The following TFDP2 variants were observed in gnomAD, a reference collection of about 807,000 sequenced individuals.
The protein encoded by TFDP2 is transcription factor Dp-2 (E2F dimerization partner 2).
Under a neutral mutation model 59.3 loss-of-function variants are expected in TFDP2, and 17 were observed. The ratio of observed to expected loss-of-function variants is 0.29; its 90% confidence interval spans 0.20 to 0.43. The LOEUF is 0.43. Among genes scored for constraint, TFDP2 ranks in the 20% least tolerant of loss-of-function variants. The pLI is 1.00. For synonymous variants in TFDP2, 180 were observed against 194.7 expected, an observed-to-expected ratio of 0.92 and a Z score of 0.63; for missense variants, 391 against 528.8, an observed-to-expected ratio of 0.74 and a Z score of 2.56.
intron 7 of TFDP2, among the ~76,000 whole-genome samples, chr3:141,974,907 CTTTTTTTTTTTTTT>C (rs753702830): frequency 2.2e-5 from 2 of 90,500 alleles, no homozygotes; most frequent in Admixed American, 1.3e-4. Context: ...TCTTCTTCTT[CTTTTTTTTTTTTTT>C]TTTTTTTTTT....
At chr3:142,021,315 A>G (rs1945583255) in intron 3 of TFDP2, among the ~76,000 whole-genome samples, 1 of 152,348 alleles carries the variant, frequency 6.6e-6, no homozygotes, top group South Asian at 2.1e-4. Context: ...AGATAAGGAC[A>G]GAAAATCTGA....
intron 6 of TFDP2, among the ~76,000 whole-genome samples, chr3:141,989,807 C>T (rs893882158): frequency 6.6e-6 from 1 of 152,038 alleles, no homozygotes; most frequent in Non-Finnish European, 1.5e-5. Flanking sequence ...TATAATAACA[C>T]TAGCTTTCAT....
intron 3 of TFDP2, among the ~76,000 whole-genome samples, chr3:142,041,686 C>T (rs1946977778): frequency 1.3e-5 from 2 of 152,138 alleles, no homozygotes; most frequent in Admixed American, 1.3e-4. Flanking sequence ...TAACAAACAC[C>T]AACATCAGTT....
chr3:141,984,346 A>C (rs1941828634), intron 6 of TFDP2, among the ~76,000 whole-genome samples: 2 of 152,084 alleles, frequency 1.3e-5, no homozygotes, highest in African/African-American at 4.8e-5. Context: ...AAAAATACAA[A>C]AATTAGCTGG....
intron 3 of TFDP2, among the ~76,000 whole-genome samples, chr3:142,063,238 T>C (rs548786615): frequency 1.0e-3 from 153 of 152,338 alleles, no homozygotes; most frequent in African/African-American, 3.6e-3. Flanking sequence ...TAATTTGTTA[T>C]ATTTCCTCAT....
At chr3:141,988,966 A>C (rs945032788) in intron 6 of TFDP2, 3 of 151,892 alleles carry the variant, frequency 2.0e-5, no homozygotes, top group African/African-American at 7.3e-5. Context: ...CATGTTTTAA[A>C]CTTCATAGAA....
rs1947133142 is a variant in TFDP2 at position 142,043,512 on chromosome 3, T to C, written c.83-37968A>G. The C allele has an allele frequency of 7.8e-6, 4 of 511,160 alleles. No homozygotes were observed. In the East Asian group the frequency reaches 1.5e-4, roughly 19 times the overall value. 31.7% of individuals were successfully genotyped at this position (511,160 alleles called of 1,614,324 possible). ...CCAAGTAGCTGGGATTACAGGCGCATGCCACCACACTCGGCTAATTTATTT... is the reference window on the plus strand; with the variant it reads ...CCAAGTAGCTGGGATTACAGGCGCACGCCACCACACTCGGCTAATTTATTT... On this transcript the variant is annotated intron_variant, in intron 3 of 12. Transcript: ENST00000489671.
intron 7 of TFDP2, among the ~76,000 whole-genome samples, chr3:141,975,891 A>G (rs1940565002): frequency 6.6e-6 from 1 of 151,606 alleles, no homozygotes. Flanking sequence ...AAAAACAACT[A>G]TTTTTCCGAG....
intron 3 of TFDP2, among the ~76,000 whole-genome samples, chr3:142,040,199 A>G: frequency 6.6e-6 from 1 of 152,192 alleles, no homozygotes. Flanking sequence ...TATGACCTAG[A>G]TGTTGGAAAT....
intron 1 of TFDP2, among the ~76,000 whole-genome samples, chr3:142,120,818 C>A (rs1329755344): frequency 6.6e-6 from 1 of 152,104 alleles, no homozygotes; most frequent in African/African-American, 2.4e-5. Context: ...TGGGAACAAC[C>A]ACTGTTCATA....
At chr3:142,038,940 T>C (rs962091745) in intron 3 of TFDP2, among the ~76,000 whole-genome samples, 3 of 152,200 alleles carry the variant, frequency 2.0e-5, no homozygotes, top group Non-Finnish European at 4.4e-5. Context: ...CAGATCTTCC[T>C]TTACTTTATT....
intron 1 of TFDP2, among the ~76,000 whole-genome samples, chr3:142,117,870 G>A (rs1250305365): frequency 2.0e-5 from 3 of 152,140 alleles, no homozygotes; most frequent in African/African-American, 4.8e-5. Flanking sequence ...GCTGAGGGAG[G>A]TGGATCACTT....
intron 8 of TFDP2, 112 bp downstream of exon 8, chr3:141,973,936 G>A (rs1370794885): frequency 1.6e-6 from 2 of 1,225,766 alleles, no homozygotes; most frequent in Admixed American, 5.5e-5. Flanking sequence ...AAAATGACAT[G>A]GTATACATGA....
intron 11 of TFDP2, among the ~76,000 whole-genome samples, chr3:141,956,072 T>G (rs1936584937): frequency 1.3e-5 from 2 of 152,168 alleles, no homozygotes; most frequent in South Asian, 4.1e-4. Context: ...CCTCCCAAAG[T>G]GCTGGGATCA....
At chr3:142,065,631 C>T (rs1172801721) in intron 3 of TFDP2, among the ~76,000 whole-genome samples, 1 of 151,836 alleles carries the variant, frequency 6.6e-6, no homozygotes, top group Non-Finnish European at 1.5e-5. Flanking sequence ...CCCACCTCAG[C>T]CTCCTGAGTA....
At position 142,060,283 on chromosome 3, in the gene TFDP2, T is replaced by C. The variant is rs138472395; in HGVS notation, c.82+32778A>G. Among the ~76,000 whole-genome samples, 355 of 152,314 alleles carry C rather than the reference T, an allele frequency of 2.3e-3. 3 individuals carry two copies. Among genetic ancestry groups the C allele is most frequent in the African/African-American group, 8.1e-3 (337 of 41,590 alleles). On this transcript the variant is annotated intron_variant, in intron 3 of 12. Coordinates refer to ENST00000489671, the MANE Select transcript of TFDP2 (RefSeq NM_001178139.2). ...TCAGCCTCCCAAAGCATTAGGATTA[T>C]AGGCGTGAGCCACTGTGCCCAGCAT...
At chr3:141,997,536 T>A (rs1386366838) in intron 4 of TFDP2, among the ~76,000 whole-genome samples, 1 of 151,884 alleles carries the variant, frequency 6.6e-6, no homozygotes, top group Non-Finnish European at 1.5e-5. Context: ...TTGGTTTTGC[T>A]GATTTACAGG....
intron 11 of TFDP2, among the ~76,000 whole-genome samples, chr3:141,954,714 A>G (rs983804301): frequency 6.6e-6 from 1 of 152,216 alleles, no homozygotes. Flanking sequence ...AATAAGTGGT[A>G]GATACATTAA....
rs1560044945 is a variant in TFDP2 at position 142,020,327 on chromosome 3, A to C, written c.83-14783T>G. Among the ~76,000 whole-genome samples the C allele has an allele frequency of 4.6e-5, 7 of 152,182 alleles. No individual in the cohort carries two copies. In the South Asian group the frequency reaches 1.5e-3, roughly 32 times the overall value. On this transcript the variant is annotated intron_variant, in intron 3 of 12. Transcript: ENST00000489671. ...AAGGTGGGTGGATAAGGAGGTCAGG[A>C]GTTCAAGACTAGCCTGACCAACATG...
Sources: allele counts gnomAD v4.1 joint callset (sites outside exome capture counted in the v4.1 genomes callset), GRCh38; gene constraint gnomAD v4.1.1; transcripts MANE v1.5; gene names NCBI Gene and HGNC (gene_info 2026-07-23, HGNC 2026-07-21).